Variants in PRSS23 observed in about 807,000 individuals in gnomAD.
The protein encoded by PRSS23 is protease, serine 23.
Under a neutral mutation model 34.7 loss-of-function variants are expected in PRSS23, and 25 were observed. That is an observed-to-expected ratio of 0.72 (90% CI 0.53 to 1.01). The LOEUF is 1.01. Among genes scored for constraint, PRSS23 ranks in the 50% least tolerant of loss-of-function variants. The probability of loss-of-function intolerance (pLI) is 0.00; values close to 1 mark genes in which losing one functional copy is unlikely to be tolerated. For missense variants in PRSS23, 445 were observed against 475.6 expected (o/e 0.94, Z 0.60); for synonymous variants, 176 against 186.6 (o/e 0.94, Z 0.46).
exon 3 of PRSS23, chr11:86,952,509 A>G: frequency 1.2e-6 from 2 of 1,602,532 alleles, no homozygotes; most frequent in East Asian, 2.2e-5. Flanking sequence ...AAAAAAAACA[A>G]TGACTTGGAA....
intron 2 of PRSS23, among the ~76,000 whole-genome samples, chr11:86,839,213 G>T (rs1383640068): frequency 6.6e-6 from 1 of 152,166 alleles, no homozygotes; most frequent in East Asian, 1.9e-4. Flanking sequence ...AAAGGAGCAT[G>T]TTCTAACCAA....
chr11:86,843,654 CAT>C (rs1253396732), intron 2 of PRSS23, among the ~76,000 whole-genome samples: 6 of 152,124 alleles, frequency 3.9e-5, no homozygotes, highest in Non-Finnish European at 7.4e-5. Context: ...AGCCAACAGA[CAT>C]ATGAAAAAAA....
At chr11:86,867,208 C>G (rs1317018423) in intron 2 of PRSS23, among the ~76,000 whole-genome samples, 1 of 152,190 alleles carries the variant, frequency 6.6e-6, no homozygotes, top group African/African-American at 2.4e-5. Context: ...CTCACAACTT[C>G]TCTGTGATAA....
chr11:86,952,498 C>CA (rs776761519), exon 3 of PRSS23: 79 of 1,602,956 alleles, frequency 4.9e-5, no homozygotes, highest in Middle Eastern at 3.8e-4. Context: ...TGAACACACA[C>CA]AAAAAAAACA....
At chr11:86,902,767 C>T (rs553364391) in intron 2 of PRSS23, among the ~76,000 whole-genome samples, 34 of 152,206 alleles carry the variant, frequency 2.2e-4, no homozygotes, top group Admixed American at 7.8e-4. Context: ...TAATTCCACA[C>T]TGCTTCATTC....
At chr11:86,872,216 G>A (rs1948689696) in intron 2 of PRSS23, among the ~76,000 whole-genome samples, 1 of 152,158 alleles carries the variant, frequency 6.6e-6, no homozygotes, top group Non-Finnish European at 1.5e-5. Flanking sequence ...AGTATATAAT[G>A]TGTTATTATT....
chr11:86,872,849 G>A (rs1198239013), intron 2 of PRSS23, among the ~76,000 whole-genome samples: 1 of 152,122 alleles, frequency 6.6e-6, no homozygotes, highest in Non-Finnish European at 1.5e-5. Flanking sequence ...TTAATAGCCT[G>A]AATTTCAGTT....
intron 2 of PRSS23, among the ~76,000 whole-genome samples, chr11:86,842,863 T>A (rs768716964): frequency 3.9e-5 from 6 of 152,164 alleles, no homozygotes; most frequent in Non-Finnish European, 8.8e-5. Flanking sequence ...AATTTATAGA[T>A]TCAATGCCAT....
exon 3 of PRSS23, chr11:86,952,689 C>T (rs919172324): frequency 3.8e-6 from 2 of 519,826 alleles, no homozygotes; most frequent in Non-Finnish European, 6.8e-6. Flanking sequence ...TAATCCTTTC[C>T]AGAAGAATGT....
chr11:86,937,031 A>C (rs926665349), intron 2 of PRSS23: 1 of 152,228 alleles, frequency 6.6e-6, no homozygotes. Flanking sequence ...GGACCAGTAC[A>C]TGTGCCCTAA....
At chr11:86,859,285 G>A (rs1045556371) in intron 2 of PRSS23, among the ~76,000 whole-genome samples, 1 of 151,816 alleles carries the variant, frequency 6.6e-6, no homozygotes, top group African/African-American at 2.4e-5. Context: ...GTGAGGAGGG[G>A]ATGATATTAC....
intron 2 of PRSS23, among the ~76,000 whole-genome samples, chr11:86,853,845 A>G (rs1948549277): frequency 6.6e-6 from 1 of 152,120 alleles, no homozygotes; most frequent in Non-Finnish European, 1.5e-5. Flanking sequence ...CGTTCCCTCC[A>G]ATCATATTCG....
intron 2 of PRSS23, among the ~76,000 whole-genome samples, chr11:86,904,926 C>T (rs1185256216): frequency 1.3e-5 from 2 of 151,742 alleles, no homozygotes; most frequent in African/African-American, 4.8e-5. Flanking sequence ...CCTGGTGGTG[C>T]ATGCCTGTAG....
At chr11:86,822,196 CTT>C (rs1163124839) in intron 1 of PRSS23, among the ~76,000 whole-genome samples, 2 of 152,092 alleles carry the variant, frequency 1.3e-5, no homozygotes, top group African/African-American at 4.8e-5. Context: ...AAAAACGTGT[CTT>C]TGTGAAGTTT....
At chr11:86,803,904 A>G (rs553899252) in intron 1 of PRSS23, among the ~76,000 whole-genome samples, 2 of 152,150 alleles carry the variant, frequency 1.3e-5, no homozygotes, top group Admixed American at 6.5e-5. Context: ...AGCATGATTC[A>G]TTTTCCTTTT....
At chr11:86,917,177 G>A (rs1296367746) in intron 2 of PRSS23, among the ~76,000 whole-genome samples, 5 of 152,160 alleles carry the variant, frequency 3.3e-5, no homozygotes, top group Non-Finnish European at 7.3e-5. Context: ...AAATGACCCA[G>A]GCGTGGTGGC....
chr11:86,875,947 A>G (rs568455433), intron 2 of PRSS23, among the ~76,000 whole-genome samples: 20 of 152,356 alleles, frequency 1.3e-4, no homozygotes, highest in African/African-American at 4.8e-4. Flanking sequence ...GCAAGAATCC[A>G]TAATTAAAAA....
chr11:86,841,374 A>G (rs1246185353), intron 2 of PRSS23, among the ~76,000 whole-genome samples: 2 of 150,678 alleles, frequency 1.3e-5, no homozygotes, highest in African/African-American at 4.9e-5. Context: ...AAAAAAAAGA[A>G]CAAGGACTAG....
chr11:86,909,606 T>C (rs1368562178), intron 2 of PRSS23: 1 of 152,126 alleles, frequency 6.6e-6, no homozygotes, highest in African/African-American at 2.4e-5. Flanking sequence ...GAATTCAGGG[T>C]AGTGTGGTTG....
Sources: allele counts gnomAD v4.1 joint callset (sites outside exome capture counted in the v4.1 genomes callset), GRCh38; gene constraint gnomAD v4.1.1; transcripts MANE v1.5; gene names NCBI Gene and HGNC (gene_info 2026-07-23, HGNC 2026-07-21).